Variants in CFAP77 observed in about 807,000 individuals in gnomAD.
The protein encoded by CFAP77 is cilia and flagella associated protein 77.
In CFAP77, 25 loss-of-function variants were observed where a neutral mutation model predicts 31.1. That is an observed-to-expected ratio of 0.80 (90% CI 0.59 to 1.12). The LOEUF (loss-of-function observed/expected upper bound fraction) is 1.12. Ranked by LOEUF, CFAP77 falls within the 50% of genes most tolerant of loss-of-function variation. The pLI is 0.00. For missense variants in CFAP77, 377 were observed against 397.3 expected, an observed-to-expected ratio of 0.95 and a Z score of 0.44; for synonymous variants, 151 against 159.9, an observed-to-expected ratio of 0.94 and a Z score of 0.42.
At chr9:132,505,074 T>C (rs1415262578) in intron 3 of CFAP77, among the ~76,000 whole-genome samples, 1 of 152,106 alleles carries the variant, frequency 6.6e-6, no homozygotes, top group Non-Finnish European at 1.5e-5. Flanking sequence ...ATTACAGACG[T>C]GTTAAAAAAA....
At chr9:132,557,829 G>A (rs866291775) in intron 5 of CFAP77, among the ~76,000 whole-genome samples, 2 of 152,110 alleles carry the variant, frequency 1.3e-5, no homozygotes, top group African/African-American at 4.8e-5. Context: ...CCCCAGGAAC[G>A]GGTGACCTGA....
At chr9:132,485,342 A>G (rs895772088) in intron 1 of CFAP77, among the ~76,000 whole-genome samples, 3 of 152,180 alleles carry the variant, frequency 2.0e-5, no homozygotes, top group African/African-American at 7.2e-5. Context: ...TCTAGGTAAG[A>G]AAACTGAGAC....
chr9:132,471,414 T>C (rs1337654647), intron 1 of CFAP77, among the ~76,000 whole-genome samples: 1 of 151,730 alleles, frequency 6.6e-6, no homozygotes, highest in East Asian at 1.9e-4. Flanking sequence ...AGAACTGGGG[T>C]CCATCCACTT....
chr9:132,514,758 A>G (rs1229910646), intron 3 of CFAP77, among the ~76,000 whole-genome samples: 1 of 152,216 alleles, frequency 6.6e-6, no homozygotes, highest in Non-Finnish European at 1.5e-5. Context: ...TCCACAAACA[A>G]TTAAAAAGTA....
chr9:132,437,856 A>T (rs1170741340), intron 1 of CFAP77, among the ~76,000 whole-genome samples: 3 of 151,464 alleles, frequency 2.0e-5, no homozygotes, highest in South Asian at 2.1e-4. Context: ...GAAAATGGGT[A>T]TATAGTAATT....
Position 132,510,802 on chromosome 9 carries a change from C to T in CFAP77, c.524+11202C>T, listed in dbSNP as rs567523684. ...CTAGAAACCGCTGGAGCCTTGCATT[C>T]GTTTTGATGAATAATAGTGCCAGTT... On this transcript the variant is annotated intron_variant, in intron 3 of 5. Transcript: ENST00000393216. 6.6e-5 allele frequency among the ~76,000 whole-genome samples: 10 copies of T among 152,276 alleles called. No homozygotes were observed. The East Asian group carries it at 1.4e-3, about 21-fold the overall frequency.
chr9:132,519,808 G>A (rs1257283712), intron 3 of CFAP77, among the ~76,000 whole-genome samples: 1 of 98,716 alleles, frequency 1.0e-5, no homozygotes. Context: ...GGATGAATGG[G>A]TGGGTGGATG....
intron 3 of CFAP77, among the ~76,000 whole-genome samples, chr9:132,507,145 TA>T (rs1383967970): frequency 4.6e-5 from 7 of 152,246 alleles, no homozygotes; most frequent in Non-Finnish European, 7.3e-5. Flanking sequence ...CACTTCCTGA[TA>T]AACTCAAACT....
rs759081377 is a variant in CFAP77, at chr9:132,499,418, C to T, written c.342C>T (p.His114=). Reference sequence around the variant, plus strand: ...TCAAGCAGCAGCCCACCTGCCCCCACGAGCTGACCCGGAATTATATCGCAA... The same window carrying T: ...TCAAGCAGCAGCCCACCTGCCCCCATGAGCTGACCCGGAATTATATCGCAA... ...NVFKQQPTCP[H]ELTRNYIAMN... The change falls in exon 3 of 6, where the codon CAC becomes CAT. Residue 114 remains histidine, a synonymous_variant. Coordinates refer to ENST00000393216, the MANE Select transcript of CFAP77 (RefSeq NM_001282957.2). The surrounding 1 kb of genome is among the most constrained non-coding windows in gnomAD (Gnocchi z 5.4). 3.1e-5 allele frequency: 50 copies of T among 1,614,130 alleles called. No homozygotes were observed. The Admixed American group carries it at 6.2e-4, about 20-fold the overall frequency.
At chr9:132,515,428 G>A (rs1852129047) in intron 3 of CFAP77, among the ~76,000 whole-genome samples, 2 of 152,036 alleles carry the variant, frequency 1.3e-5, no homozygotes, top group Admixed American at 6.5e-5. Context: ...CCCTTCCTCT[G>A]TTTAAAAAAA....
chr9:132,524,761 G>C (rs1015792857), intron 3 of CFAP77, among the ~76,000 whole-genome samples: 2 of 151,688 alleles, frequency 1.3e-5, no homozygotes, highest in African/African-American at 4.8e-5. Context: ...CCATTCTCCT[G>C]CGTCAGCCTC....
chr9:132,438,034 G>T (rs1240047613), intron 1 of CFAP77, among the ~76,000 whole-genome samples: 1 of 150,604 alleles, frequency 6.6e-6, no homozygotes, highest in Non-Finnish European at 1.5e-5. Flanking sequence ...GTAAAACCTC[G>T]TCGCTACTAA....
intron 1 of CFAP77, among the ~76,000 whole-genome samples, chr9:132,419,348 C>T (rs369413622): frequency 6.6e-5 from 10 of 152,282 alleles, no homozygotes; most frequent in African/African-American, 2.2e-4. Context: ...CACACCGCTG[C>T]CAGGTGGCTG....
chr9:132,466,110 A>T (rs1285812290), intron 1 of CFAP77, among the ~76,000 whole-genome samples: 1 of 152,036 alleles, frequency 6.6e-6, no homozygotes, highest in East Asian at 1.9e-4. Flanking sequence ...TTTTAAAGAC[A>T]TGGTCTTGCT....
intron 3 of CFAP77, among the ~76,000 whole-genome samples, chr9:132,529,824 C>CAAA (rs572231164): frequency 8.6e-6 from 1 of 116,052 alleles, no homozygotes; most frequent in Admixed American, 8.8e-5. Flanking sequence ...GACTCTGTCT[C>CAAA]AAAAAAAAAA....
At chr9:132,482,211 A>C in intron 1 of CFAP77, 1 of 597,386 alleles carries the variant, frequency 1.7e-6, no homozygotes, top group Non-Finnish European at 2.9e-6. Context: ...TTTCATAGGG[A>C]GCCTTTTTCT....
chr9:132,513,412 G>A (rs577416), intron 3 of CFAP77: 803,431 of 1,493,730 alleles, frequency 0.54, 221,149 homozygotes, highest in East Asian at 0.81. Context: ...CACAATCTGA[G>A]GCCCCTGTGC....
In CFAP77 at chr9:132,564,710, A is replaced by G. The variant is rs1351832530; in HGVS notation, c.733-7678A>G. On this transcript the variant is annotated intron_variant, in intron 5 of 5. Transcript: ENST00000393216. The surrounding 1 kb of genome is among the most constrained non-coding windows in gnomAD (Gnocchi z 4.6). The stretch of plus-strand genomic sequence containing the variant: ...CTAGATGCTAGAAAAAGAACAACAG[A>G]GTAAACATTAGTGAAATGTCAAAGG... 6.6e-6 allele frequency among the ~76,000 whole-genome samples: 1 copy of G among 152,262 alleles called. No individual in the cohort carries two copies. Among genetic ancestry groups the G allele is most frequent in the Admixed American group, 6.5e-5 (1 of 15,288 alleles).
chr9:132,460,187 C>G (rs1013909229), intron 1 of CFAP77, among the ~76,000 whole-genome samples: 2 of 152,166 alleles, frequency 1.3e-5, no homozygotes, highest in African/African-American at 2.4e-5. Context: ...TGCCTTTGCT[C>G]TTGCTCCAGC....
Sources: allele counts gnomAD v4.1 joint callset (sites outside exome capture counted in the v4.1 genomes callset), GRCh38; gene constraint gnomAD v4.1.1; non-coding constraint Gnocchi (gnomAD v3.1); transcripts MANE v1.5; gene names NCBI Gene and HGNC (gene_info 2026-07-23, HGNC 2026-07-21).